Variants in SRPK2 observed in about 807,000 individuals in gnomAD.
SRPK2 encodes SRSF protein kinase 2.
Under a neutral mutation model 90.8 loss-of-function variants are expected in SRPK2, and 21 were observed. That is an observed-to-expected ratio of 0.23 (90% CI 0.16 to 0.33). The LOEUF is 0.33. Among genes scored for constraint, SRPK2 ranks in the 10% least tolerant of loss-of-function variants. The probability of loss-of-function intolerance (pLI) is 1.00; values close to 1 mark genes in which losing one functional copy is unlikely to be tolerated. For synonymous variants in SRPK2, 288 were observed against 311.1 expected (o/e 0.93, Z 0.78); for missense variants, 620 against 869.0 (o/e 0.71, Z 3.60).
chr7:105,383,813 C>T (rs1412590107), intron 2 of SRPK2, among the ~76,000 whole-genome samples: 1 of 152,158 alleles, frequency 6.6e-6, no homozygotes, highest in African/African-American at 2.4e-5. Flanking sequence ...AGTACTAATA[C>T]GTGCCATAAC....
chr7:105,256,884 T>C (rs931687644), intron 2 of SRPK2, among the ~76,000 whole-genome samples: 2 of 152,222 alleles, frequency 1.3e-5, no homozygotes, highest in Non-Finnish European at 2.9e-5. Context: ...ACTGTGTTTG[T>C]AACCTCTTTA....
chr7:105,262,969 G>A (rs1016499349), intron 2 of SRPK2, among the ~76,000 whole-genome samples: 1 of 152,184 alleles, frequency 6.6e-6, no homozygotes, highest in Non-Finnish European at 1.5e-5. Context: ...CTCAGCAACT[G>A]CACTCCTAGG....
intron 2 of SRPK2, among the ~76,000 whole-genome samples, chr7:105,376,686 C>A (rs577427463): frequency 5.3e-5 from 8 of 151,510 alleles, no homozygotes; most frequent in African/African-American, 1.7e-4. Context: ...TACAGGCGTG[C>A]ACCACCACTC....
chr7:105,204,072 G>A (rs10281422), intron 2 of SRPK2, among the ~76,000 whole-genome samples: 45,537 of 151,894 alleles, frequency 0.3, 7,109 homozygotes, highest in Non-Finnish European at 0.34. Flanking sequence ...ATTTCAGTGC[G>A]CTCCACTCAA....
chr7:105,156,822 A>G (rs563604978), intron 7 of SRPK2, among the ~76,000 whole-genome samples: 2 of 152,112 alleles, frequency 1.3e-5, no homozygotes, highest in African/African-American at 2.4e-5. Flanking sequence ...TATTTTCCCC[A>G]CTTTTATTGA....
intron 2 of SRPK2, among the ~76,000 whole-genome samples, chr7:105,314,556 G>C (rs1345155033): frequency 6.6e-6 from 1 of 151,906 alleles, no homozygotes; most frequent in Non-Finnish European, 1.5e-5. Context: ...GCCAATTTTT[G>C]TATTTTTGGT....
chr7:105,122,250 T>C (rs1193272629), intron 15 of SRPK2, among the ~76,000 whole-genome samples: 1 of 152,256 alleles, frequency 6.6e-6, no homozygotes, highest in East Asian at 1.9e-4. Context: ...ATTTATTAGA[T>C]GTGACATCAA....
At chr7:105,182,817 G>A (rs894015458) in intron 3 of SRPK2, among the ~76,000 whole-genome samples, 24 of 152,052 alleles carry the variant, frequency 1.6e-4, no homozygotes, top group African/African-American at 5.8e-4. Flanking sequence ...GTATTTATTA[G>A]AAGATTTCCC....
chr7:105,306,717 G>GTA, intron 2 of SRPK2: 2 of 265,954 alleles, frequency 7.5e-6, no homozygotes, highest in Non-Finnish European at 1.5e-5. Context: ...TTTTAATGCT[G>GTA]TATACATCTC....
upstream of SRPK2, among the ~76,000 whole-genome samples, chr7:105,390,031 C>T (rs1042187503): frequency 6.6e-6 from 1 of 152,144 alleles, no homozygotes; most frequent in South Asian, 2.1e-4. Flanking sequence ...CCAAATTAAC[C>T]CATATTCACC....
chr7:105,335,120 G>A lies in SRPK2; in HGVS notation c.71+53528C>T, dbSNP rs184196504. ...CAGGAGGCAGAGGCTACAGTGAGCC[G>A]AGATCGCACCAATGCACTCCAGCCT... On this transcript the variant is annotated intron_variant, in intron 2 of 15. Transcript: ENST00000393651. 2.2e-4 allele frequency among the ~76,000 whole-genome samples: 34 copies of A among 152,158 alleles called. No individual in the cohort carries two copies. In the East Asian group the frequency reaches 4.6e-3, roughly 21 times the overall value.
At chr7:105,208,361 T>G (rs1389643973) in intron 2 of SRPK2, among the ~76,000 whole-genome samples, 1 of 152,210 alleles carries the variant, frequency 6.6e-6, no homozygotes. Flanking sequence ...GAAGTACTAC[T>G]ATTTTTAACG....
At chr7:105,244,811 A>G (rs1801370473) in intron 2 of SRPK2, 5 of 973,646 alleles carry the variant, frequency 5.1e-6, no homozygotes, top group Non-Finnish European at 6.7e-6. Flanking sequence ...CGCCCCGTAC[A>G]AGCAGCACGC....
intron 2 of SRPK2, among the ~76,000 whole-genome samples, chr7:105,344,700 T>C (rs1365972948): frequency 6.6e-6 from 1 of 152,220 alleles, no homozygotes; most frequent in South Asian, 2.1e-4. Flanking sequence ...CTTAAAGATT[T>C]GACTATACAA....
At chr7:105,350,665 C>T (rs1817067212) in intron 2 of SRPK2, among the ~76,000 whole-genome samples, 1 of 151,798 alleles carries the variant, frequency 6.6e-6, no homozygotes, top group Non-Finnish European at 1.5e-5. Flanking sequence ...GCTAGAACTA[C>T]AGGCATACGC....
upstream of SRPK2, chr7:105,389,133 G>T (rs1473188217): frequency 4.1e-6 from 4 of 977,936 alleles, no homozygotes; most frequent in African/African-American, 5.7e-5. Context: ...CCCAGCCCGC[G>T]GCCCGGGCCT....
At chr7:105,383,251 T>C (rs1199034376) in intron 2 of SRPK2, among the ~76,000 whole-genome samples, 1 of 150,658 alleles carries the variant, frequency 6.6e-6, no homozygotes, top group East Asian at 1.9e-4. Context: ...TTTTTTTTTT[T>C]AGTAGAGACG....
At chr7:105,258,217 C>T (rs1395294636) in intron 2 of SRPK2, among the ~76,000 whole-genome samples, 2 of 151,574 alleles carry the variant, frequency 1.3e-5, no homozygotes, top group African/African-American at 2.4e-5. Flanking sequence ...CAGAGTCCTA[C>T]ACCAGCCTGA....
At chr7:105,388,229 G>A (rs1403065938) in intron 2 of SRPK2, among the ~76,000 whole-genome samples, 1 of 151,918 alleles carries the variant, frequency 6.6e-6, no homozygotes, top group East Asian at 1.9e-4. Flanking sequence ...GGCTCAGGTG[G>A]GAGCAACGCA....
Sources: allele counts gnomAD v4.1 joint callset (sites outside exome capture counted in the v4.1 genomes callset), GRCh38; gene constraint gnomAD v4.1.1; transcripts MANE v1.5; gene names NCBI Gene and HGNC (gene_info 2026-07-23, HGNC 2026-07-21).